The following ABAT variants were observed in gnomAD, a reference collection of about 807,000 sequenced individuals.
The protein encoded by ABAT is 4-aminobutyrate aminotransferase, also known as 4-aminobutyrate aminotransferase, mitochondrial.
ABAT carries 45 observed loss-of-function variants against 64.6 expected under a neutral mutation model. The ratio of observed to expected loss-of-function variants is 0.70; its 90% CI spans 0.55 to 0.89. The LOEUF (loss-of-function observed/expected upper bound fraction) is 0.89, where lower values mean the gene tolerates loss of function less well. Among genes scored for constraint, ABAT ranks in the 40% least tolerant of loss-of-function variants. The probability of loss-of-function intolerance (pLI) is 0.00; values close to 1 mark genes in which losing one functional copy is unlikely to be tolerated. For synonymous variants in ABAT, 297 were observed against 250.5 expected (o/e 1.19, Z -1.75); for missense variants, 633 against 658.4 (o/e 0.96, Z 0.42).
chr16:8,735,063 G>A (rs1220232562), intron 1 of ABAT, among the ~76,000 whole-genome samples: 1 of 143,706 alleles, frequency 7.0e-6, no homozygotes, highest in Non-Finnish European at 1.5e-5. Context: ...AAAAATCACT[G>A]GGCATGGTAG....
chr16:8,703,824 G>A (rs2057880672), intron 1 of ABAT, among the ~76,000 whole-genome samples: 1 of 152,222 alleles, frequency 6.6e-6, no homozygotes, highest in Admixed American at 6.5e-5. Flanking sequence ...TTTTTGGCAT[G>A]TGGGCCATGT....
rs371114781 is a variant in ABAT at position 8,748,054 on chromosome 16, T to C, written c.169-54T>C. On this transcript the variant is annotated intron_variant, in intron 3 of 15. Transcript: ENST00000268251. ...TGGGAAAACATGAAAGATTTTAAGC[T>C]ATTTTGGCAAGAGTGTGGACTTGCT... 309 of 1,554,330 alleles carry C rather than the reference T, an allele frequency of 2.0e-4. No individual in the cohort carries two copies. The African/African-American group carries it at 2.8e-3, about 14-fold the overall frequency.
intron 5 of ABAT, among the ~76,000 whole-genome samples, chr16:8,755,443 G>A (rs1299853690): frequency 6.6e-6 from 1 of 152,230 alleles, no homozygotes; most frequent in Non-Finnish European, 1.5e-5. Context: ...ATCAGGGTGA[G>A]AGCTGTGATT....
At chr16:8,698,019 A>AT (rs766588849) in intron 1 of ABAT, among the ~76,000 whole-genome samples, 69 of 152,236 alleles carry the variant, frequency 4.5e-4, no homozygotes, top group Non-Finnish European at 8.7e-4. Context: ...CAGTAAAAAT[A>AT]TTCATTGAGA....
At chr16:8,746,918 G>C (rs1376418556) in intron 3 of ABAT, among the ~76,000 whole-genome samples, 1 of 152,170 alleles carries the variant, frequency 6.6e-6, no homozygotes, top group Non-Finnish European at 1.5e-5. Context: ...CTCCATGCCT[G>C]GGGGACAGCT....
chr16:8,713,823 C>G, intron 1 of ABAT: 2 of 455,556 alleles, frequency 4.4e-6, no homozygotes, highest in South Asian at 3.1e-5. Flanking sequence ...GCATTTTAAG[C>G]AAGCGAGCTG....
chr16:8,778,139 T>C (rs1013740656), intron 14 of ABAT, among the ~76,000 whole-genome samples: 48 of 152,144 alleles, frequency 3.2e-4, no homozygotes, highest in African/African-American at 1.0e-3. Flanking sequence ...GTCCTTCATA[T>C]GGACAGCAGA....
chr16:8,719,002 A>G (rs2058289854), intron 1 of ABAT, among the ~76,000 whole-genome samples: 1 of 152,158 alleles, frequency 6.6e-6, no homozygotes, highest in African/African-American at 2.4e-5. Flanking sequence ...TTGCGTACTT[A>G]GCGGTTTCTG....
At chr16:8,726,189 C>T (rs563146683) in intron 1 of ABAT, among the ~76,000 whole-genome samples, 3 of 151,220 alleles carry the variant, frequency 2.0e-5, no homozygotes, top group African/African-American at 7.3e-5. Context: ...TGCCACTTGT[C>T]TTTGTGTGCC....
chr16:8,724,123 G>GA (rs2058465556), intron 1 of ABAT, among the ~76,000 whole-genome samples: 1 of 151,838 alleles, frequency 6.6e-6, no homozygotes, highest in South Asian at 2.1e-4. Flanking sequence ...TTCCAAGTGT[G>GA]AGCCACTGCG....
intron 1 of ABAT, among the ~76,000 whole-genome samples, chr16:8,694,722 C>A (rs1177233638): frequency 2.6e-5 from 4 of 152,168 alleles, no homozygotes; most frequent in African/African-American, 9.7e-5. Context: ...TTGCCATTGC[C>A]ACTTTGCTGA....
Position 8,781,241 on chromosome 16 carries a change from TC to T in ABAT, c.1382-62del, listed in dbSNP as rs753066516. 2 of 1,610,696 alleles carry T rather than the reference TC, an allele frequency of 1.2e-6. No homozygotes were observed. Among genetic ancestry groups the T allele is most frequent in the Non-Finnish European group, 1.7e-6 (2 of 1,178,354 alleles). ...TGAGCGTTGCCAACAGGCATCACTT[TC>T]CCCCCAGCTCTCCCAGCATGTGACT... On this transcript the variant is annotated intron_variant, in intron 15 of 15. Coordinates refer to ENST00000268251, the MANE Select transcript of ABAT (RefSeq NM_020686.6). The surrounding 1 kb of genome is among the most constrained non-coding windows in gnomAD (Gnocchi z 4.5).
intron 1 of ABAT, among the ~76,000 whole-genome samples, chr16:8,683,980 G>T (rs1182907873): frequency 6.8e-6 from 1 of 146,412 alleles, no homozygotes; most frequent in Non-Finnish European, 1.5e-5. Flanking sequence ...GAGAGAGAGA[G>T]ATGGAGGGAG....
At position 8,768,075 on chromosome 16, in the gene ABAT, T is replaced by G. The variant is rs2059996994; in HGVS notation, c.604-118T>G. On this transcript the variant is annotated intron_variant, in intron 9 of 15. Transcript: ENST00000268251. ...ATTGGTCCCATGGGTAACTTTTGCCTGAGAAGGATTCCTGGTTCTTCTGAT... is the reference window on the plus strand; with the variant it reads ...ATTGGTCCCATGGGTAACTTTTGCCGGAGAAGGATTCCTGGTTCTTCTGAT... 2.2e-5 allele frequency: 25 copies of G among 1,122,628 alleles called. 1 individual carries two copies. The South Asian group carries it at 2.7e-4, about 12-fold the overall frequency. 69.5% of individuals were successfully genotyped at this position (1,122,628 alleles called of 1,614,324 possible).
In ABAT at chr16:8,776,599, T is replaced by C. The variant is rs1596472741; in HGVS notation, c.1269+109T>C. The C allele has an allele frequency of 8.3e-7, 1 of 1,207,382 alleles. No individual in the cohort carries two copies. Among genetic ancestry groups the C allele is most frequent in the Admixed American group, 2.0e-5 (1 of 50,434 alleles). The allele number at this position is 1,207,382 out of a possible 1,614,324, so 74.8% of individuals were successfully genotyped here. On this transcript the variant is annotated intron_variant, in intron 14 of 15. Coordinates refer to ENST00000268251, the MANE Select transcript of ABAT (RefSeq NM_020686.6). This position sits in a 1 kb window ranked among gnomAD's most constrained non-coding sequence, Gnocchi z 4.4. ...GGTGTTGTGCCTGCTGTTCCAGCAG[T>C]TCGTAACGGGCTGTGCTGCTCCTAG...
chr16:8,774,852 G>A (rs375175776), intron 12 of ABAT, 38 bp from the exon 13 acceptor site: 40 of 1,611,654 alleles, frequency 2.5e-5, no homozygotes, highest in South Asian at 6.6e-5. Flanking sequence ...GGCCTCCCAC[G>A]GGTGTTTATT....
At chr16:8,718,280 GAAAGA>G (rs1270899643) in intron 1 of ABAT, among the ~76,000 whole-genome samples, 8 of 152,100 alleles carry the variant, frequency 5.3e-5, no homozygotes, top group Non-Finnish European at 1.2e-4. Flanking sequence ...ACATTTATGG[GAAAGA>G]AAAGAAATCT....
At chr16:8,735,540 C>G (rs1300634735) in intron 1 of ABAT, among the ~76,000 whole-genome samples, 159 bp from the exon 2 acceptor site, 1 of 152,164 alleles carries the variant, frequency 6.6e-6, no homozygotes, top group Non-Finnish European at 1.5e-5. Flanking sequence ...GCCACCTTGC[C>G]TGGCCTAATA....
rs1400896593 is a variant in ABAT, at chr16:8,751,504, G to C, written c.316+965G>C. ...GCTAAGAAGGATGAGGTCTTAGCTA[G>C]AACTATCCACAGCCTGACCCCACTT... On this transcript the variant is annotated intron_variant, in intron 5 of 15. Coordinates refer to ENST00000268251, the MANE Select transcript of ABAT (RefSeq NM_020686.6). 2.6e-5 allele frequency among the ~76,000 whole-genome samples: 4 copies of C among 152,292 alleles called. No individual in the cohort carries two copies. The East Asian group carries it at 7.7e-4, about 29-fold the overall frequency.
Sources: allele counts gnomAD v4.1 joint callset (sites outside exome capture counted in the v4.1 genomes callset), GRCh38; gene constraint gnomAD v4.1.1; non-coding constraint Gnocchi (gnomAD v3.1); transcripts MANE v1.5; gene names NCBI Gene and HGNC (gene_info 2026-07-23, HGNC 2026-07-21).